Variants in RNF24 observed in about 807,000 individuals in gnomAD.
The protein encoded by RNF24 is ring finger protein 24.
In RNF24, 14 loss-of-function variants were observed where a neutral mutation model predicts 20.0. The observed-to-expected ratio is 0.70, with a 90% CI of 0.46 to 1.10. The LOEUF (loss-of-function observed/expected upper bound fraction) is 1.10. Ranked by LOEUF, RNF24 falls within the 50% of genes least tolerant of loss-of-function variation. The pLI, the probability that RNF24 is intolerant of heterozygous loss-of-function variation, is 0.00. For synonymous variants in RNF24, 45 were observed against 61.1 expected (o/e 0.74, Z 1.23); for missense variants, 124 against 177.6 (o/e 0.70, Z 1.71).
chr20:4,009,088 G>C (rs1300563937), intron 1 of RNF24, among the ~76,000 whole-genome samples: 1 of 152,164 alleles, frequency 6.6e-6, no homozygotes, highest in Non-Finnish European at 1.5e-5. Context: ...TGTCCTAGGG[G>C]ACAGAGTGGT....
chr20:3,945,508 A>G (rs1392355456), intron 3 of RNF24, among the ~76,000 whole-genome samples: 1 of 152,110 alleles, frequency 6.6e-6, no homozygotes, highest in Non-Finnish European at 1.5e-5. Context: ...TGAGGTCAGG[A>G]GTTTGAGACC....
intron 2 of RNF24, among the ~76,000 whole-genome samples, chr20:3,955,995 C>A (rs2091137412): frequency 6.6e-6 from 1 of 152,070 alleles, no homozygotes; most frequent in Admixed American, 6.6e-5. Context: ...TGAAAGTTTG[C>A]TGAATTTATT....
Position 3,949,102 on chromosome 20 carries a change from G to C in RNF24, c.144-823C>G, listed in dbSNP as rs530372207. On this transcript the variant is annotated intron_variant, in intron 2 of 5. Coordinates refer to ENST00000358395, the MANE Select transcript of RNF24 (RefSeq NM_001134337.3). The stretch of plus-strand genomic sequence containing the variant: ...GGTTCAAAGTACTCACACCGAGGCT[G>C]GGCACCGTGGCTCACGCCTGTAATC... Among the ~76,000 whole-genome samples, 3 of 152,328 alleles carry C rather than the reference G, an allele frequency of 2.0e-5. No homozygotes were observed. In the East Asian group the frequency reaches 5.8e-4, roughly 29 times the overall value.
intron 1 of RNF24, among the ~76,000 whole-genome samples, chr20:3,998,404 G>A (rs372718008): frequency 5.3e-5 from 8 of 151,550 alleles, no homozygotes; most frequent in South Asian, 4.2e-4. Flanking sequence ...GTGAAACCCC[G>A]TCTCTACTAA....
At chr20:3,973,501 A>C (rs571495239) in intron 1 of RNF24, among the ~76,000 whole-genome samples, 9 of 6,824 alleles carry the variant, frequency 1.3e-3, no homozygotes, top group East Asian at 0.01. Context: ...GAAGAATGAC[A>C]AAAAAAAAAA....
intron 1 of RNF24, among the ~76,000 whole-genome samples, chr20:3,987,614 T>C (rs962082875): frequency 6.6e-6 from 1 of 152,208 alleles, no homozygotes; most frequent in African/African-American, 2.4e-5. Flanking sequence ...TAGGTCAGCA[T>C]AACAGATATC....
At chr20:3,994,154 C>G (rs183830435) in intron 1 of RNF24, among the ~76,000 whole-genome samples, 1 of 152,076 alleles carries the variant, frequency 6.6e-6, no homozygotes, top group Admixed American at 6.6e-5. Context: ...TGGCACTTCT[C>G]GAAACAGTAT....
intron 1 of RNF24, among the ~76,000 whole-genome samples, chr20:3,982,082 TG>T (rs1979438694): frequency 6.9e-6 from 1 of 143,966 alleles, no homozygotes; most frequent in Non-Finnish European, 1.5e-5. Flanking sequence ...CACTCCAGCC[TG>T]GGCAACAGGG....
At chr20:3,986,982 A>G (rs1292386049) in intron 1 of RNF24, among the ~76,000 whole-genome samples, 1 of 152,058 alleles carries the variant, frequency 6.6e-6, no homozygotes, top group Non-Finnish European at 1.5e-5. Context: ...ATCATAGCTC[A>G]CTGCAGCCTC....
At chr20:3,964,368 A>G (rs2091235586) in intron 1 of RNF24, among the ~76,000 whole-genome samples, 1 of 152,216 alleles carries the variant, frequency 6.6e-6, no homozygotes, top group Non-Finnish European at 1.5e-5. Flanking sequence ...AGATTCTTCA[A>G]ACTCTTTAGC....
chr20:3,975,882 T>C (rs1016304300), intron 1 of RNF24, among the ~76,000 whole-genome samples: 1 of 152,000 alleles, frequency 6.6e-6, no homozygotes, highest in African/African-American at 2.4e-5. Flanking sequence ...ATTTTTTTTT[T>C]TGCAAGTGAT....
chr20:4,014,971 G>A (rs1982776361), intron 1 of RNF24, among the ~76,000 whole-genome samples: 1 of 152,198 alleles, frequency 6.6e-6, no homozygotes, highest in Non-Finnish European at 1.5e-5. Context: ...GGAGTGGACG[G>A]GGACCAGGAA....
At chr20:4,012,488 T>G (rs1170573731) in intron 1 of RNF24, among the ~76,000 whole-genome samples, 1 of 150,344 alleles carries the variant, frequency 6.7e-6, no homozygotes, top group Admixed American at 6.6e-5. Flanking sequence ...AATGGAAAAA[T>G]AAATTACTTT....
At chr20:3,952,732 CT>C (rs2091096097) in intron 2 of RNF24, among the ~76,000 whole-genome samples, 1 of 151,754 alleles carries the variant, frequency 6.6e-6, no homozygotes, top group South Asian at 2.1e-4. Flanking sequence ...AGAAAGTTCT[CT>C]TGTAGTACTA....
chr20:3,987,109 A>C (rs867387505), intron 1 of RNF24, among the ~76,000 whole-genome samples: 1 of 152,032 alleles, frequency 6.6e-6, no homozygotes, highest in African/African-American at 2.4e-5. Flanking sequence ...TCAACATTTA[A>C]CTATTGACTT....
In RNF24 at chr20:3,948,268, T is replaced by C. The variant is rs1476607174; in HGVS notation, c.155A>G (p.Gln52Arg). 1 of 1,589,432 alleles carries C rather than the reference T, an allele frequency of 6.3e-7. No individual in the cohort carries two copies. The highest frequency in any genetic ancestry group is 8.5e-7 in the Non-Finnish European group (1 of 1,170,650). The change falls in exon 3 of 6, where the codon CAA becomes CGA. Residue 52 changes from glutamine to arginine, a missense_variant. By Grantham distance (43) the Gln-to-Arg change is conservative. Coordinates refer to ENST00000358395, the MANE Select transcript of RNF24 (RefSeq NM_001134337.3). ...GTAGGCATAAAATTCTTTGTGTGCT[T>C]GATGTCTTAGCCTAAAAGACAGAAA... ...FCCYLIRLRH[Q>R]AHKEFYAYKQ...
Position 3,932,890 on chromosome 20 carries a change from C to G in RNF24, c.*1173G>C. The G allele has an allele frequency of 2.5e-6, 1 of 398,544 alleles. No individual in the cohort carries two copies. The highest frequency in any genetic ancestry group is 6.3e-4 in the Middle Eastern group (1 of 1,588). The allele number at this position is 398,544 out of a possible 1,614,324, so 24.7% of individuals were successfully genotyped here. On this transcript the variant is annotated 3_prime_UTR_variant, in exon 6 of 6. Transcript: ENST00000358395. ...CCAAAGAGCAGCATGCGTTTCTCTCCTATAAAGACACTTTCACTTTCAGTT... is the reference window on the plus strand; with the variant it reads ...CCAAAGAGCAGCATGCGTTTCTCTCGTATAAAGACACTTTCACTTTCAGTT...
chr20:3,936,346 GCTCT>G (rs2090890751), intron 4 of RNF24, among the ~76,000 whole-genome samples: 1 of 152,216 alleles, frequency 6.6e-6, no homozygotes, highest in African/African-American at 2.4e-5. Context: ...TCCTCACAGA[GCTCT>G]GTTCCTTCAT....
chr20:3,980,234 G>C (rs1224712839), intron 1 of RNF24, among the ~76,000 whole-genome samples: 2 of 152,154 alleles, frequency 1.3e-5, no homozygotes, highest in Non-Finnish European at 2.9e-5. Context: ...AATGAAAGTG[G>C]AACTCGCTAA....
Sources: gnomAD v4.1 joint callset for allele counts (sites outside exome capture counted in the v4.1 genomes callset) on GRCh38, gnomAD v4.1.1 for gene constraint, MANE v1.5 for transcripts, NCBI Gene and HGNC (gene_info 2026-07-23, HGNC 2026-07-21) for gene names.